The following SLC30A5 variants were observed in gnomAD, a reference collection of about 807,000 sequenced individuals.
SLC30A5 encodes the protein proton-coupled zinc antiporter SLC30A5.
SLC30A5 carries 33 observed loss-of-function variants against 79.6 expected under a neutral mutation model. The ratio of observed to expected loss-of-function variants is 0.41; its 90% confidence interval spans 0.31 to 0.55. The LOEUF (loss-of-function observed/expected upper bound fraction) is 0.55, where lower values mean the gene tolerates loss of function less well. SLC30A5 is among the 20% of genes least tolerant of loss of function. The pLI is 0.20. For missense variants in SLC30A5, 788 were observed against 928.1 expected (o/e 0.85, Z 1.96); for synonymous variants, 299 against 319.7 (o/e 0.94, Z 0.69).
In SLC30A5 at chr5:69,115,135, GAAAAAAAAAAAAAAAAAAA is replaced by G. The variant is rs60614154; in HGVS notation, c.613-90_613-72del. The G allele has an allele frequency of 1.1e-4, 58 of 539,346 alleles. 1 individual carries two copies. Among genetic ancestry groups the G allele is most frequent in the Non-Finnish European group, 1.3e-4 (45 of 353,842 alleles). The allele number at this position is 539,346 out of a possible 1,614,324, so 33.4% of individuals were successfully genotyped here. On this transcript the variant is annotated intron_variant, in intron 7 of 15. Transcript: ENST00000396591. ...GGCAGAGCAAGACCCTGTCTCTGGG[GAAAAAAAAAAAAAAAAAAA>G]AAAAAAAAAAAGATCATGTATTTAA...
intron 12 of SLC30A5, among the ~76,000 whole-genome samples, chr5:69,121,377 C>G (rs1373394670): frequency 2.6e-5 from 4 of 152,096 alleles, no homozygotes; most frequent in African/African-American, 9.7e-5. Context: ...TCAAACTCTT[C>G]AATAAACAAA....
chr5:69,097,759 G>A (rs1248924648), intron 1 of SLC30A5, among the ~76,000 whole-genome samples: 1 of 151,928 alleles, frequency 6.6e-6, no homozygotes, highest in Admixed American at 6.6e-5. Context: ...GGTTGATCTC[G>A]AACTTCTGGG....
intron 1 of SLC30A5, 127 bp from the exon 2 acceptor site, chr5:69,100,680 T>G: frequency 1.4e-6 from 1 of 724,552 alleles, no homozygotes; most frequent in Non-Finnish European, 2.2e-6. Flanking sequence ...GGGACTCTGT[T>G]TTGTTTCATT....
rs374893227 is a variant in SLC30A5, at chr5:69,128,141, T to C, written c.2127+9T>C. On this transcript the variant is annotated intron_variant, in intron 15 of 15. Transcript: ENST00000396591. ...AAAGAATAGTACAGCAGGTAATCTT[T>C]TGTTTTTAAAGTAATTTTAATTGAG... 3.9e-5 allele frequency: 62 copies of C among 1,602,038 alleles called. No homozygotes were observed. The highest frequency in any genetic ancestry group is 5.0e-5 in the Non-Finnish European group (59 of 1,174,502).
At chr5:69,108,587 T>C in intron 5 of SLC30A5, 151 bp downstream of exon 5, 1 of 689,752 alleles carries the variant, frequency 1.4e-6, no homozygotes, top group Non-Finnish European at 2.5e-6. Flanking sequence ...TGTGGGAGGC[T>C]GAGGTGGGCG....
chr5:69,112,746 T>A (rs1005105634), intron 5 of SLC30A5, among the ~76,000 whole-genome samples: 1 of 152,218 alleles, frequency 6.6e-6, no homozygotes, highest in Non-Finnish European at 1.5e-5. Context: ...AGAGGAGTAG[T>A]ATCTAGAATA....
intron 12 of SLC30A5, among the ~76,000 whole-genome samples, chr5:69,119,218 A>C (rs1021091130): frequency 2.6e-5 from 4 of 151,622 alleles, no homozygotes; most frequent in Non-Finnish European, 5.9e-5. Flanking sequence ...GATTTTGCTT[A>C]TGTGAAATAC....
At chr5:69,119,100 C>T (rs901167765) in intron 12 of SLC30A5, among the ~76,000 whole-genome samples, 7 of 152,178 alleles carry the variant, frequency 4.6e-5, no homozygotes, top group African/African-American at 1.7e-4. Flanking sequence ...TGTGCCCGGC[C>T]AGCTATAGCA....
intron 14 of SLC30A5, among the ~76,000 whole-genome samples, chr5:69,127,646 A>T (rs955256454): frequency 6.6e-6 from 1 of 152,092 alleles, no homozygotes; most frequent in Non-Finnish European, 1.5e-5. Flanking sequence ...TCTCAAAAAA[A>T]ACAAAAACGA....
In SLC30A5 at chr5:69,117,264, A is replaced by T; in HGVS notation, c.1307A>T (p.Tyr436Phe). ...CTTTTTACCTTTGTGGAATTATTCTATGGCGTGCTGACCAATAGTCTGGGC... is the reference window on the plus strand; with the variant it reads ...CTTTTTACCTTTGTGGAATTATTCTTTGGCGTGCTGACCAATAGTCTGGGC... Reference protein sequence around the residue: ...NLLFTFVELFYGVLTNSLGLI... With the variant: ...NLLFTFVELFFGVLTNSLGLI... Residue 436 changes from tyrosine to phenylalanine, a missense_variant, in exon 11 of 16, where the codon TAT becomes TTT. By Grantham distance (22) the Tyr-to-Phe change is conservative. Around this residue, in one of 3 missense-constraint regions of SLC30A5, gnomAD observed 626 missense variants for 755.5 expected, o/e 0.83. Coordinates refer to ENST00000396591, the MANE Select transcript of SLC30A5 (RefSeq NM_022902.5). The T allele has an allele frequency of 6.2e-7, 1 of 1,613,154 alleles. No individual in the cohort carries two copies. Among genetic ancestry groups the T allele is most frequent in the Non-Finnish European group, 8.5e-7 (1 of 1,179,600 alleles).
intron 3 of SLC30A5, among the ~76,000 whole-genome samples, chr5:69,103,765 TC>T (rs1183448729): frequency 1.3e-5 from 2 of 152,218 alleles, no homozygotes; most frequent in African/African-American, 4.8e-5. Flanking sequence ...TTTTGCATAA[TC>T]ATCTCACATC....
At chr5:69,128,324 C>T (rs1451702527) in intron 15 of SLC30A5, among the ~76,000 whole-genome samples, 192 bp downstream of exon 15, 2 of 148,526 alleles carry the variant, frequency 1.3e-5, no homozygotes, top group Non-Finnish European at 1.5e-5. Context: ...TGATCTCGGC[C>T]CACTGCAACC....
chr5:69,117,152 G>C, intron 10 of SLC30A5, 87 bp from the exon 11 acceptor site: 1 of 1,057,834 alleles, frequency 9.5e-7, no homozygotes, highest in Non-Finnish European at 1.4e-6. Flanking sequence ...AGATCTTCAA[G>C]TAAATTTGGA....
At chr5:69,128,269 T>TTTG (rs1746757778) in intron 15 of SLC30A5, 137 bp downstream of exon 15, 1 of 616,566 alleles carries the variant, frequency 1.6e-6, no homozygotes, top group African/African-American at 1.9e-5. Flanking sequence ...TTTTTTTTTT[T>TTTG]GAGACAGGGT....
intron 2 of SLC30A5, among the ~76,000 whole-genome samples, chr5:69,101,547 G>T (rs1745919844): frequency 6.6e-6 from 1 of 151,866 alleles, no homozygotes; most frequent in Non-Finnish European, 1.5e-5. Context: ...AAAGTGCTGG[G>T]ATTACAGGCA....
At chr5:69,106,283 G>C (rs1483552717) in intron 4 of SLC30A5, among the ~76,000 whole-genome samples, 1 of 152,118 alleles carries the variant, frequency 6.6e-6, no homozygotes, top group Non-Finnish European at 1.5e-5. Context: ...CTTGGGAAGA[G>C]GTTTTTCACC....
intron 11 of SLC30A5, 170 bp from the exon 12 acceptor site, chr5:69,118,329 A>ATATGTGTG (rs1746441809): frequency 7.8e-6 from 2 of 255,554 alleles, no homozygotes; most frequent in African/African-American, 4.7e-5. Flanking sequence ...ATATATGTAT[A>ATATGTGTG]TATATATGAA....
Position 69,130,578 on chromosome 5 carries a change from G to T in SLC30A5, c.*961G>T, listed in dbSNP as rs1024713108. ...ATATAGATATATAAGAAATATCAAA[G>T]AATAGGTAGTTATTTCAAAGTTTAA... On this transcript the variant is annotated 3_prime_UTR_variant, in exon 16 of 16. Coordinates refer to ENST00000396591, the MANE Select transcript of SLC30A5 (RefSeq NM_022902.5). 6.6e-6 allele frequency: 1 copy of T among 152,066 alleles called. No homozygotes were observed. Among genetic ancestry groups the T allele is most frequent in the African/African-American group, 2.4e-5 (1 of 41,422 alleles). 9.4% of individuals were successfully genotyped at this position (152,066 alleles called of 1,614,324 possible).
At chr5:69,097,708 C>G (rs922179325) in intron 1 of SLC30A5, among the ~76,000 whole-genome samples, 12 of 152,048 alleles carry the variant, frequency 7.9e-5, no homozygotes, top group African/African-American at 2.9e-4. Context: ...CCAGTTCATT[C>G]TTTAATTTTT....
Sources: allele counts gnomAD v4.1 joint callset (sites outside exome capture counted in the v4.1 genomes callset), GRCh38; gene constraint gnomAD v4.1.1; regional missense constraint gnomAD v4.1.1; transcripts MANE v1.5; gene names NCBI Gene and HGNC (gene_info 2026-07-23, HGNC 2026-07-21).